Variants in GALNT13 observed in about 807,000 individuals in gnomAD.
The protein encoded by GALNT13 is polypeptide N-acetylgalactosaminyltransferase 13, also known as UDP-GalNAc:polypeptide N-acetylgalactosaminyltransferase 13.
Under a neutral mutation model 64.2 loss-of-function variants are expected in GALNT13, and 28 were observed. That is an observed-to-expected ratio of 0.44 (90% confidence interval 0.32 to 0.60). The LOEUF (loss-of-function observed/expected upper bound fraction) is 0.60, where lower values mean the gene tolerates loss of function less well. GALNT13 is among the 20% of genes least tolerant of loss of function. The probability of loss-of-function intolerance (pLI) is 0.05; values close to 1 mark genes in which losing one functional copy is unlikely to be tolerated. For missense variants in GALNT13, 577 were observed against 669.8 expected, an observed-to-expected ratio of 0.86 and a Z score of 1.53; for synonymous variants, 214 against 224.6, an observed-to-expected ratio of 0.95 and a Z score of 0.42.
the GALNT13 span, among the ~76,000 whole-genome samples, chr2:153,318,915 T>C: frequency 1.3e-5 from 2 of 152,208 alleles, no homozygotes; most frequent in Non-Finnish European, 2.9e-5. Context: ...ATTTACTCCC[T>C]TTCAGGCACT....
the GALNT13 span, among the ~76,000 whole-genome samples, chr2:153,332,862 G>C: frequency 6.6e-6 from 1 of 152,156 alleles, no homozygotes; most frequent in Non-Finnish European, 1.5e-5. Flanking sequence ...TGATCACAGG[G>C]GAACAGGCTG....
chr2:154,163,217 G>T lies in GALNT13; in HGVS notation c.311+22712G>T, dbSNP rs572049048. ...CTCATTGTTCAATTCCCATCTATGAGTGAGAACGTGCGGTGTTTGGTTTTT... is the reference window on the plus strand; with the variant it reads ...CTCATTGTTCAATTCCCATCTATGATTGAGAACGTGCGGTGTTTGGTTTTT... On this transcript the variant is annotated intron_variant, in intron 4 of 12. Transcript: ENST00000392825. 1.6e-4 allele frequency among the ~76,000 whole-genome samples: 22 copies of T among 141,848 alleles called. No homozygotes were observed. In the South Asian group the frequency reaches 2.4e-3, roughly 16 times the overall value. 93.1% of individuals were successfully genotyped at this position (141,848 alleles called of 152,430 possible). A position where few individuals can be genotyped will look rare whatever the true frequency, so the allele number is the denominator to read the frequency against.
rs551469134 is a variant in GALNT13 at position 153,953,183 on chromosome 2, A to G, written c.142+8544A>G. ...ACATGATATTCTAGAAGGGAAGGAAACCTACCTTTCTTTGTCTTATTCTGA... is the reference window on the plus strand; with the variant it reads ...ACATGATATTCTAGAAGGGAAGGAAGCCTACCTTTCTTTGTCTTATTCTGA... On this transcript the variant is annotated intron_variant, in intron 3 of 12. Coordinates refer to ENST00000392825, the MANE Select transcript of GALNT13 (RefSeq NM_052917.4). Among the ~76,000 whole-genome samples the G allele has an allele frequency of 8.5e-5, 13 of 152,290 alleles. No individual in the cohort carries two copies. The East Asian group carries it at 1.7e-3, about 20-fold the overall frequency.
intron 9 of GALNT13, among the ~76,000 whole-genome samples, chr2:154,375,511 G>C (rs1167541014): frequency 2.6e-5 from 4 of 152,018 alleles, no homozygotes; most frequent in Non-Finnish European, 4.4e-5. Flanking sequence ...ATAATGGACG[G>C]AAAGAGATGT....
the GALNT13 span, among the ~76,000 whole-genome samples, chr2:153,475,212 T>C: frequency 6.6e-6 from 1 of 152,166 alleles, no homozygotes; most frequent in East Asian, 1.9e-4. Flanking sequence ...GGCATCTCTC[T>C]AAGTAACAAA....
At chr2:154,013,322 C>T (rs993161047) in intron 3 of GALNT13, among the ~76,000 whole-genome samples, 5 of 9,096 alleles carry the variant, frequency 5.5e-4, no homozygotes, top group Admixed American at 1.7e-3. Flanking sequence ...GGCCGGGAAG[C>T]CCCAGCTGTG....
the GALNT13 span, among the ~76,000 whole-genome samples, chr2:153,509,883 G>A: frequency 6.6e-6 from 1 of 152,260 alleles, no homozygotes; most frequent in Non-Finnish European, 1.5e-5. Context: ...GAAAAATCTC[G>A]TAATTAAAAA....
At chr2:154,377,932 T>C (rs1463502170) in intron 9 of GALNT13, among the ~76,000 whole-genome samples, 1 of 152,184 alleles carries the variant, frequency 6.6e-6, no homozygotes. Context: ...TGCTGTGACC[T>C]AGAGGAAATC....
the GALNT13 span, among the ~76,000 whole-genome samples, chr2:153,798,999 A>G: frequency 6.6e-6 from 1 of 152,120 alleles, no homozygotes; most frequent in African/African-American, 2.4e-5. Context: ...TAAACTGTGT[A>G]TTTGTTTACT....
intron 3 of GALNT13, among the ~76,000 whole-genome samples, chr2:153,951,135 G>T (rs1256049230): frequency 6.6e-6 from 1 of 152,034 alleles, no homozygotes; most frequent in Non-Finnish European, 1.5e-5. Context: ...TGTGAGATGG[G>T]GGTGAAAATT....
the GALNT13 span, among the ~76,000 whole-genome samples, chr2:153,546,833 T>C: frequency 6.6e-6 from 1 of 152,242 alleles, no homozygotes; most frequent in Non-Finnish European, 1.5e-5. Flanking sequence ...TAAGTCTTTT[T>C]GAATAATTGC....
At chr2:154,328,636 A>G (rs1315824494) in intron 9 of GALNT13, among the ~76,000 whole-genome samples, 3 of 152,144 alleles carry the variant, frequency 2.0e-5, no homozygotes, top group Middle Eastern at 6.8e-3. Context: ...ACTGAATCAA[A>G]ATCTGTATTT....
At chr2:154,404,952 A>G (rs1414595506) in intron 10 of GALNT13, among the ~76,000 whole-genome samples, 1 of 152,106 alleles carries the variant, frequency 6.6e-6, no homozygotes. Flanking sequence ...TCTTATGCAA[A>G]AAAGGAAAGA....
At position 154,152,948 on chromosome 2, in the gene GALNT13, G is replaced by A. The variant is rs564406845; in HGVS notation, c.311+12443G>A. 2.0e-4 allele frequency among the ~76,000 whole-genome samples: 31 copies of A among 152,268 alleles called. No individual in the cohort carries two copies. In the East Asian group the frequency reaches 3.5e-3, roughly 17 times the overall value. ...TCTCAACTCATCAAAGTCATTCTCC[G>A]TCCAGCTTTGTTCCATTGCTGGTGA... On this transcript the variant is annotated intron_variant, in intron 4 of 12. Coordinates refer to ENST00000392825, the MANE Select transcript of GALNT13 (RefSeq NM_052917.4).
intron 2 of GALNT13, among the ~76,000 whole-genome samples, chr2:153,923,775 G>A (rs1397345191): frequency 6.9e-6 from 1 of 144,262 alleles, no homozygotes; most frequent in East Asian, 2.1e-4. Context: ...CTACCTATGA[G>A]TGAGAACATG....
the GALNT13 span, among the ~76,000 whole-genome samples, chr2:153,322,459 A>G: frequency 6.6e-6 from 1 of 151,992 alleles, no homozygotes; most frequent in African/African-American, 2.4e-5. Context: ...ATTGTGAATA[A>G]TGCTTTGACA....
chr2:154,118,770 C>G (rs913211939), intron 3 of GALNT13, among the ~76,000 whole-genome samples: 1 of 151,996 alleles, frequency 6.6e-6, no homozygotes, highest in Non-Finnish European at 1.5e-5. Flanking sequence ...CTAGAACATC[C>G]TGTACTTATT....
the GALNT13 span, among the ~76,000 whole-genome samples, chr2:153,749,408 A>T: frequency 1.3e-5 from 2 of 151,970 alleles, no homozygotes; most frequent in Admixed American, 1.3e-4. Flanking sequence ...ATTGTATTGA[A>T]TTTGTTGATT....
At chr2:153,345,628 C>CTTTCT in the GALNT13 span, among the ~76,000 whole-genome samples, 224 of 109,148 alleles carry the variant, frequency 2.1e-3, 1 homozygote, top group Non-Finnish European at 3.3e-3. Context: ...CTTTTCTTTT[C>CTTTCT]CTTTCTTTTT....
Sources: allele counts gnomAD v4.1 joint callset (sites outside exome capture counted in the v4.1 genomes callset), GRCh38; gene constraint gnomAD v4.1.1; transcripts MANE v1.5; gene names NCBI Gene and HGNC (gene_info 2026-07-23, HGNC 2026-07-21).